Variants in LUZP4 observed in about 807,000 individuals in gnomAD.
The protein encoded by LUZP4 is leucine zipper protein 4.
Under a neutral mutation model 8.5 loss-of-function variants are expected in LUZP4, and 11 were observed. The ratio of observed to expected loss-of-function variants is 1.30; its 90% CI spans 0.82 to 2.14. The LOEUF (loss-of-function observed/expected upper bound fraction) is 2.14. Among genes scored for constraint, LUZP4 ranks in the 30% most tolerant of loss-of-function variants. The probability of loss-of-function intolerance (pLI) is 0.00; values close to 1 mark genes in which losing one functional copy is unlikely to be tolerated. For synonymous variants in LUZP4, 104 were observed against 79.4 expected (o/e 1.31, Z -1.65); for missense variants, 276 against 229.7 (o/e 1.20, Z -1.30).
In LUZP4 at chrX:115,302,218, T is replaced by C. The variant is rs1311638319; in HGVS notation, c.223+95T>C. On this transcript the variant is annotated intron_variant, in intron 2 of 3. Transcript: ENST00000371920. ...AAATCAAGAATTCACAATATTGTTC[T>C]AAAGTTGCATTATGTTGCTTGTTTT... is the stretch of plus-strand genomic sequence containing the variant. 3.6e-6 allele frequency: 3 copies of C among 826,444 alleles called. No individual in the cohort carries two copies. In the African/African-American group the frequency reaches 6.4e-5, roughly 18 times the overall value. 68.1% of individuals were successfully genotyped at this position (826,444 alleles called of 1,213,427 possible). A position where few individuals can be genotyped will look rare whatever the true frequency, so the allele number is the denominator to read the frequency against.
intron 1 of LUZP4, among the ~76,000 whole-genome samples, chrX:115,299,804 C>T (rs781791541): frequency 9.0e-6 from 1 of 111,646 alleles, no homozygotes; most frequent in South Asian, 3.8e-4. Flanking sequence ...GTGCTGGTAC[C>T]TGAAGCCAGC....
intron 1 of LUZP4, among the ~76,000 whole-genome samples, chrX:115,296,091 G>A (rs1053673334): frequency 4.5e-5 from 5 of 111,867 alleles, no homozygotes; most frequent in African/African-American, 1.6e-4. Flanking sequence ...GAGGTTTCCA[G>A]TGTTTTAAAT....
chrX:115,303,167 C>A, intron 2 of LUZP4, 133 bp from the exon 3 acceptor site: 1 of 354,798 alleles, frequency 2.8e-6, no homozygotes, highest in East Asian at 4.8e-5. Context: ...CCAGATGATA[C>A]CAGAGTAATG....
rs140034132 is a variant in LUZP4 at position 115,302,064 on chromosome X, G to A, written c.164G>A (p.Ser55Asn). ...EEEKNKRQNH[S>N]KKESPSRQQS... ...GAAAAGAATAAAAGACAGAACCATA[G>A]TAAAAAGGAATCGCCTTCAAGACAG... Residue 55 changes from serine to asparagine, a missense_variant, in exon 2 of 4, where the codon AGT (serine) becomes AAT (asparagine). Coordinates refer to ENST00000371920, the MANE Select transcript of LUZP4 (RefSeq NM_016383.5). The A allele has an allele frequency of 4.8e-5, 57 of 1,194,092 alleles. No individual in the cohort carries two copies. The African/African-American group carries it at 8.1e-4, about 17-fold the overall frequency.
At chrX:115,291,923 G>C (rs1218656376) in intron 1 of LUZP4, among the ~76,000 whole-genome samples, 2 of 101,463 alleles carry the variant, frequency 2.0e-5, no homozygotes, top group African/African-American at 7.1e-5. Context: ...CTTCATCTCA[G>C]AAAAAAAAAA....
At chrX:115,295,159 T>C (rs1401929809) in intron 1 of LUZP4, among the ~76,000 whole-genome samples, 1 of 111,855 alleles carries the variant, frequency 8.9e-6, no homozygotes, top group Non-Finnish European at 1.9e-5. Flanking sequence ...CACTGCAGCC[T>C]GGACCTCCCA....
At chrX:115,302,232 G>A in intron 2 of LUZP4, 109 bp downstream of exon 2, 1 of 753,151 alleles carries the variant, frequency 1.3e-6, no homozygotes, top group Non-Finnish European at 1.8e-6. Flanking sequence ...GTTGCATTAT[G>A]TTGCTTGTTT....
rs1556602461 is a variant in LUZP4 at position 115,303,417 on chromosome X, A to G, written c.341A>G (p.Gln114Arg). ...TTAAATGGGCAGCCTTTAATTGAGCAGGTAGATAAGTACCAAGAATTAACC... is the reference window on the plus strand; with the variant it reads ...TTAAATGGGCAGCCTTTAATTGAGCGGGTAGATAAGTACCAAGAATTAACC... ...HPLNGQPLIE[Q>R]EKCSDNYEAQ... is the part of the protein sequence containing the mutation. The change falls in exon 3 of 4, where the codon CAG (glutamine) becomes CGG (arginine). Residue 114 changes from glutamine (Q) to arginine (R), a missense_variant and splice_region_variant. Transcript: ENST00000371920. 16 of 1,052,637 alleles carry G rather than the reference A, an allele frequency of 1.5e-5. No homozygotes were observed. The highest frequency in any genetic ancestry group is 2.1e-5 in the Non-Finnish European group (16 of 772,821). The allele number at this position is 1,052,637 out of a possible 1,213,427, so 86.7% of individuals were successfully genotyped here.
chrX:115,306,215 G>A lies in LUZP4; in HGVS notation c.353G>A (p.Ser118Asn). 1 of 1,208,053 alleles carries A rather than the reference G, an allele frequency of 8.3e-7. No homozygotes were observed. The highest frequency in any genetic ancestry group is 2.2e-5 in the Admixed American group (1 of 45,504). ...GQPLIEQEKC[S>N]DNYEAQAEKN... is the part of the protein sequence containing the mutation. ...TGGGATCCTTTTCAGGAGAAGTGCA[G>A]TGACAATTATGAGGCCCAAGCAGAG... Residue 118 changes from serine to asparagine, a missense_variant, in exon 4 of 4, where the codon AGT becomes AAT. By Grantham distance (46) the Ser-to-Asn change is conservative (BLOSUM62 1). Coordinates refer to ENST00000371920, the MANE Select transcript of LUZP4 (RefSeq NM_016383.5).
intron 1 of LUZP4, among the ~76,000 whole-genome samples, chrX:115,299,961 C>T (rs972309205): frequency 8.9e-6 from 1 of 112,035 alleles, no homozygotes; most frequent in Non-Finnish European, 1.9e-5. Flanking sequence ...CCCTTCTGGC[C>T]TACGGTGTGT....
At chrX:115,291,407 C>G (rs992368059) in intron 1 of LUZP4, among the ~76,000 whole-genome samples, 1 of 111,339 alleles carries the variant, frequency 9.0e-6, no homozygotes, top group East Asian at 2.8e-4. Context: ...CCAAGGGCCA[C>G]TTTAGAAATG....
chrX:115,298,143 T>G (rs1448478019), intron 1 of LUZP4, among the ~76,000 whole-genome samples: 1 of 109,576 alleles, frequency 9.1e-6, no homozygotes, highest in Non-Finnish European at 1.9e-5. Flanking sequence ...CTTGGCTCAC[T>G]GCAACCTCAG....
intron 1 of LUZP4, among the ~76,000 whole-genome samples, chrX:115,294,771 A>G (rs982077327): frequency 9.0e-6 from 1 of 111,433 alleles, no homozygotes; most frequent in South Asian, 3.8e-4. Flanking sequence ...GATACTGGAG[A>G]GTCTGCTTTG....
intron 1 of LUZP4, among the ~76,000 whole-genome samples, chrX:115,294,034 C>T (rs2073360387): frequency 9.0e-6 from 1 of 111,670 alleles, no homozygotes; most frequent in Admixed American, 9.5e-5. Flanking sequence ...TTTGGGGGAC[C>T]TCCTTGAATT....
intron 1 of LUZP4, among the ~76,000 whole-genome samples, chrX:115,291,071 T>C (rs781903013): frequency 3.6e-5 from 4 of 110,950 alleles, no homozygotes; most frequent in Non-Finnish European, 5.7e-5. Flanking sequence ...AGTCCTGGGA[T>C]TACAGGCATA....
At chrX:115,290,360 C>T (rs2073343621) in intron 1 of LUZP4, among the ~76,000 whole-genome samples, 1 of 110,873 alleles carries the variant, frequency 9.0e-6, no homozygotes, top group African/African-American at 3.3e-5. Context: ...GTTGGTGTAT[C>T]TGCTTTGTTG....
chrX:115,301,350 T>C (rs1178412184), intron 1 of LUZP4, among the ~76,000 whole-genome samples: 1 of 111,713 alleles, frequency 9.0e-6, no homozygotes, highest in East Asian at 2.8e-4. Context: ...CTGTCTGCCA[T>C]TCTTTAAATT....
At chrX:115,303,502 A>G (rs996384474) in intron 3 of LUZP4, 84 bp downstream of exon 3, 8 of 456,048 alleles carry the variant, frequency 1.8e-5, no homozygotes, top group East Asian at 9.3e-5. Flanking sequence ...TTTAAATTCT[A>G]TTGAAAGCAG....
chrX:115,295,238 G>T (rs2073365782), intron 1 of LUZP4, among the ~76,000 whole-genome samples: 1 of 110,965 alleles, frequency 9.0e-6, no homozygotes, highest in African/African-American at 3.3e-5. Context: ...ACCACACCTG[G>T]CTCATTTTTG....
Sources: gnomAD v4.1 joint callset for allele counts (sites outside exome capture counted in the v4.1 genomes callset) on GRCh38, gnomAD v4.1.1 for gene constraint, MANE v1.5 for transcripts, NCBI Gene and HGNC (gene_info 2026-07-23, HGNC 2026-07-21) for gene names.